The following MTUS2 variants were observed in gnomAD, a reference collection of about 807,000 sequenced individuals.
The protein encoded by MTUS2 is microtubule-associated tumor suppressor candidate 2.
Under a neutral mutation model 114.1 loss-of-function variants are expected in MTUS2, and 40 were observed. The ratio of observed to expected loss-of-function variants is 0.35; its 90% confidence interval spans 0.27 to 0.46. The LOEUF (loss-of-function observed/expected upper bound fraction) is 0.46. Among genes scored for constraint, MTUS2 ranks in the 20% least tolerant of loss-of-function variants. MTUS2 has a pLI of 1.00. For missense variants in MTUS2, 1,679 were observed against 1,705.4 expected (o/e 0.98, Z 0.27); for synonymous variants, 688 against 672.0 (o/e 1.02, Z -0.37).
chr13:28,834,674 G>A (rs1197824780), intron 1 of MTUS2, among the ~76,000 whole-genome samples: 2 of 152,134 alleles, frequency 1.3e-5, no homozygotes, highest in Non-Finnish European at 2.9e-5. Context: ...ATATAGGTTA[G>A]TCTTAATAAA....
intron 4 of MTUS2, among the ~76,000 whole-genome samples, chr13:29,037,488 C>G (rs1228193572): frequency 6.6e-6 from 1 of 152,062 alleles, no homozygotes; most frequent in African/African-American, 2.4e-5. Flanking sequence ...AATTATGTGT[C>G]TTGGGGTTGC....
chr13:29,470,265 T>C (rs1395689686), intron 9 of MTUS2, among the ~76,000 whole-genome samples: 2 of 152,214 alleles, frequency 1.3e-5, no homozygotes, highest in Non-Finnish European at 2.9e-5. Flanking sequence ...CTATCACTAA[T>C]CATGAAAGGC....
At chr13:28,917,226 T>C (rs1451905310) in intron 2 of MTUS2, among the ~76,000 whole-genome samples, 1 of 151,994 alleles carries the variant, frequency 6.6e-6, no homozygotes, top group Non-Finnish European at 1.5e-5. Context: ...TGGTTTTCTT[T>C]TTTTGTTGTA....
intron 2 of MTUS2, among the ~76,000 whole-genome samples, chr13:28,928,078 C>T (rs1000461370): frequency 1.3e-5 from 2 of 152,030 alleles, no homozygotes; most frequent in African/African-American, 4.8e-5. Flanking sequence ...ATTCCTATTT[C>T]TCACCATATG....
chr13:28,845,567 GA>G (rs1009381756), intron 2 of MTUS2, among the ~76,000 whole-genome samples: 13 of 151,958 alleles, frequency 8.6e-5, no homozygotes, highest in African/African-American at 2.2e-4. Context: ...AAATTGGAAG[GA>G]AAAAAATTAT....
chr13:28,830,565 G>A (rs929611845), intron 1 of MTUS2, among the ~76,000 whole-genome samples: 7 of 151,846 alleles, frequency 4.6e-5, no homozygotes, highest in Admixed American at 3.9e-4. Flanking sequence ...AGAAAGAATC[G>A]GCAAACTTGA....
Position 29,431,920 on chromosome 13 carries a change from C to T in MTUS2, c.3118-8063C>T, listed in dbSNP as rs1275098052. Among the ~76,000 whole-genome samples the T allele has an allele frequency of 2.0e-5, 3 of 151,700 alleles. No homozygotes were observed. The East Asian group carries it at 5.9e-4, about 30-fold the overall frequency. On this transcript the variant is annotated intron_variant, in intron 8 of 15. Transcript: ENST00000612955. ...AGTGCAGTGGTGTGATCATGGCTCA[C>T]TATAAACTTGAACTCCCAGACTCAA...
In MTUS2 at chr13:29,396,877, G is replaced by A. The variant is rs996010186; in HGVS notation, c.3117+37404G>A. Among the ~76,000 whole-genome samples the A allele has an allele frequency of 2.6e-5, 4 of 152,156 alleles. No homozygotes were observed. In the East Asian group the frequency reaches 7.7e-4, roughly 29 times the overall value. On this transcript the variant is annotated intron_variant, in intron 8 of 15. Transcript: ENST00000612955. ...CTTGAGGCCAGTGACATTGAAACAT[G>A]GTCTTCATCCCTGCAATCCCTGGCC... is the stretch of plus-strand genomic sequence containing the variant.
At chr13:29,466,908 AAG>A (rs1371622554) in intron 9 of MTUS2, among the ~76,000 whole-genome samples, 1 of 151,896 alleles carries the variant, frequency 6.6e-6, no homozygotes, top group Non-Finnish European at 1.5e-5. Context: ...AAAAGAAAGA[AAG>A]AGAGGTGCCT....
At chr13:29,084,689 C>T (rs1889599385) in intron 4 of MTUS2, among the ~76,000 whole-genome samples, 1 of 151,804 alleles carries the variant, frequency 6.6e-6, no homozygotes, top group Non-Finnish European at 1.5e-5. Flanking sequence ...AGGTGCATGA[C>T]ACCACACCCA....
intron 4 of MTUS2, among the ~76,000 whole-genome samples, chr13:29,070,185 G>T (rs1463845449): frequency 6.6e-6 from 1 of 152,148 alleles, no homozygotes; most frequent in Non-Finnish European, 1.5e-5. Flanking sequence ...CCTGGTGCCT[G>T]CCTCTGAAAT....
At chr13:28,838,594 C>T (rs146113522) in intron 1 of MTUS2, among the ~76,000 whole-genome samples, 1 of 152,174 alleles carries the variant, frequency 6.6e-6, no homozygotes, top group Non-Finnish European at 1.5e-5. Context: ...CATCCATCTG[C>T]CCCCTGCATC....
At chr13:29,290,733 G>A (rs1898674913) in intron 6 of MTUS2, among the ~76,000 whole-genome samples, 1 of 152,054 alleles carries the variant, frequency 6.6e-6, no homozygotes, top group African/African-American at 2.4e-5. Flanking sequence ...CCTAAATGTT[G>A]CCTGTTCAGG....
At chr13:28,891,433 AC>A (rs1432971874) in intron 2 of MTUS2, among the ~76,000 whole-genome samples, 1 of 152,208 alleles carries the variant, frequency 6.6e-6, no homozygotes, top group East Asian at 1.9e-4. Flanking sequence ...AAAAAATCAT[AC>A]ACACACATAT....
intron 8 of MTUS2, among the ~76,000 whole-genome samples, chr13:29,388,383 G>C (rs1872777390): frequency 6.6e-6 from 1 of 151,296 alleles, no homozygotes; most frequent in South Asian, 2.1e-4. Context: ...GTAGCAACTT[G>C]AGTGTTTTAA....
At chr13:29,133,455 T>C (rs561398842) in intron 5 of MTUS2, among the ~76,000 whole-genome samples, 2 of 152,326 alleles carry the variant, frequency 1.3e-5, no homozygotes, top group African/African-American at 4.8e-5. Flanking sequence ...GCTTTTGTCC[T>C]GTTTTCTTCT....
Position 28,907,611 on chromosome 13 carries a change from G to T in MTUS2, c.-243+67761G>T, listed in dbSNP as rs957780187. ...AGGCAGGGGTTGCAATCCTAGTCTC[G>T]GATAAAACAGACTTTAAACCAACAA... On this transcript the variant is annotated intron_variant, in intron 2 of 15. Transcript: ENST00000612955. Among the ~76,000 whole-genome samples the T allele has an allele frequency of 1.1e-4, 16 of 151,160 alleles. 1 individual carries two copies. Among genetic ancestry groups the T allele is most frequent in the Non-Finnish European group, 2.1e-4 (14 of 67,844 alleles).
chr13:29,051,325 T>A (rs976012105), intron 4 of MTUS2, among the ~76,000 whole-genome samples: 29 of 152,186 alleles, frequency 1.9e-4, no homozygotes, highest in African/African-American at 7.0e-4. Context: ...ATGGTGATGT[T>A]ATTTATTCAT....
At chr13:28,994,876 C>G (rs1010382303) in intron 2 of MTUS2, among the ~76,000 whole-genome samples, 6 of 152,140 alleles carry the variant, frequency 3.9e-5, no homozygotes, top group African/African-American at 1.4e-4. Flanking sequence ...ATGGTGGTTT[C>G]TTTTGCTGTG....
Sources: allele counts gnomAD v4.1 joint callset (sites outside exome capture counted in the v4.1 genomes callset), GRCh38; gene constraint gnomAD v4.1.1; transcripts MANE v1.5; gene names NCBI Gene and HGNC (gene_info 2026-07-23, HGNC 2026-07-21).